The following ROBO1 variants were observed in gnomAD, a reference collection of about 807,000 sequenced individuals.
The protein encoded by ROBO1 is roundabout guidance receptor 1, also known as roundabout homolog 1.
Under a neutral mutation model 195.9 loss-of-function variants are expected in ROBO1, and 149 were observed. The observed-to-expected ratio is 0.76, with a 90% CI of 0.67 to 0.87. The LOEUF is 0.87. ROBO1 is among the 40% of genes least tolerant of loss of function. ROBO1 has a pLI of 0.00. For synonymous variants in ROBO1, 816 were observed against 733.2 expected, an observed-to-expected ratio of 1.11 and a Z score of -1.82; for missense variants, 1,933 against 2,068.3, an observed-to-expected ratio of 0.93 and a Z score of 1.27.
intron 1 of ROBO1, among the ~76,000 whole-genome samples, chr3:79,742,634 G>T (rs1037638582): frequency 3.3e-5 from 5 of 152,154 alleles, no homozygotes; most frequent in Non-Finnish European, 4.4e-5. Flanking sequence ...ATGCAGTACT[G>T]AGTCAATTAA....
intron 2 of ROBO1, among the ~76,000 whole-genome samples, chr3:79,267,902 C>T (rs2030133743): frequency 6.6e-6 from 1 of 151,504 alleles, no homozygotes; most frequent in East Asian, 1.9e-4. Flanking sequence ...AATTAGCAAA[C>T]AGAGAAGCCT....
intron 2 of ROBO1, among the ~76,000 whole-genome samples, chr3:79,469,232 T>C (rs926847629): frequency 1.3e-5 from 2 of 152,108 alleles, no homozygotes; most frequent in Non-Finnish European, 2.9e-5. Context: ...AAGAAAGTTA[T>C]TAGAAATTAT....
At chr3:79,122,027 T>C (rs1291651111) in intron 3 of ROBO1, among the ~76,000 whole-genome samples, 1 of 152,036 alleles carries the variant, frequency 6.6e-6, no homozygotes, top group Non-Finnish European at 1.5e-5. Flanking sequence ...ATTTATTACT[T>C]AATTTTTTTA....
intron 1 of ROBO1, among the ~76,000 whole-genome samples, chr3:79,683,209 G>T (rs1947002078): frequency 6.6e-6 from 1 of 151,954 alleles, no homozygotes; most frequent in Admixed American, 6.6e-5. Flanking sequence ...AATTTTGTTT[G>T]TTATTCATGT....
At chr3:79,216,904 A>G (rs947733817) in intron 2 of ROBO1, among the ~76,000 whole-genome samples, 8 of 152,074 alleles carry the variant, frequency 5.3e-5, no homozygotes, top group African/African-American at 1.7e-4. Context: ...ATAATTTCAA[A>G]GGGAATTGTG....
chr3:79,473,611 T>C (rs1938399254), intron 2 of ROBO1, among the ~76,000 whole-genome samples: 1 of 152,118 alleles, frequency 6.6e-6, no homozygotes, highest in Non-Finnish European at 1.5e-5. Flanking sequence ...ACAACAAAAT[T>C]ATTTTCAGTG....
At chr3:78,704,943 G>A (rs187513893) in intron 8 of ROBO1, among the ~76,000 whole-genome samples, 1 of 152,286 alleles carries the variant, frequency 6.6e-6, no homozygotes, top group Admixed American at 6.5e-5. Context: ...ATTATCAAAT[G>A]CACATTTCTT....
intron 28 of ROBO1, among the ~76,000 whole-genome samples, chr3:78,610,093 G>A (rs1432877057): frequency 2.0e-5 from 3 of 152,046 alleles, no homozygotes; most frequent in Non-Finnish European, 2.9e-5. Flanking sequence ...CCATGTTCGA[G>A]TATCATATAA....
At chr3:79,723,306 C>T (rs1209257039) in intron 1 of ROBO1, among the ~76,000 whole-genome samples, 1 of 152,190 alleles carries the variant, frequency 6.6e-6, no homozygotes, top group East Asian at 1.9e-4. Context: ...AGTCTATCAA[C>T]TCTCTGACAT....
At position 79,482,371 on chromosome 3, in the gene ROBO1, G is replaced by C. The variant is rs1466535809; in HGVS notation, c.88+107453C>G. Among the ~76,000 whole-genome samples, 5 of 152,214 alleles carry C rather than the reference G, an allele frequency of 3.3e-5. 1 individual carries two copies. The South Asian group carries it at 8.3e-4, about 25-fold the overall frequency. On this transcript the variant is annotated intron_variant, in intron 2 of 30. Coordinates refer to ENST00000464233, the MANE Select transcript of ROBO1 (RefSeq NM_002941.4). ...GGGAGGGATCTGGTGGGAGATAATT[G>C]AATAATTGGGGCAGTTTCCCCCATA...
chr3:78,943,309 G>A (rs2040243321), intron 3 of ROBO1, among the ~76,000 whole-genome samples: 1 of 152,138 alleles, frequency 6.6e-6, no homozygotes, highest in South Asian at 2.1e-4. Context: ...ACAGAATCTG[G>A]ATGTCACCCA....
intron 3 of ROBO1, among the ~76,000 whole-genome samples, chr3:79,034,351 T>C (rs1037194461): frequency 3.9e-5 from 6 of 152,124 alleles, no homozygotes; most frequent in Non-Finnish European, 8.8e-5. Context: ...GTCTCCACAT[T>C]TACACAGGAT....
chr3:79,337,264 AATG>A (rs2034715043), intron 2 of ROBO1, among the ~76,000 whole-genome samples: 1 of 152,146 alleles, frequency 6.6e-6, no homozygotes, highest in South Asian at 2.1e-4. Context: ...CCAGAGGTGG[AATG>A]ATATGGATTG....
chr3:79,577,612 A>T (rs1943528184), intron 2 of ROBO1, among the ~76,000 whole-genome samples: 1 of 152,046 alleles, frequency 6.6e-6, no homozygotes, highest in Non-Finnish European at 1.5e-5. Flanking sequence ...GTGGTGGGAC[A>T]TACCTGTAAT....
intron 4 of ROBO1, among the ~76,000 whole-genome samples, chr3:78,837,213 T>A (rs760284352): frequency 6.6e-6 from 1 of 152,186 alleles, no homozygotes; most frequent in African/African-American, 2.4e-5. Flanking sequence ...TTGTTTTCAA[T>A]GTTGGATATA....
At chr3:78,758,561 A>G (rs867709451) in intron 4 of ROBO1, among the ~76,000 whole-genome samples, 122 of 151,458 alleles carry the variant, frequency 8.1e-4, no homozygotes, top group Middle Eastern at 3.5e-3. Flanking sequence ...CCTCCTCAGG[A>G]CATATTGGAA....
chr3:78,917,138 C>G (rs1264532394), intron 4 of ROBO1, among the ~76,000 whole-genome samples: 2 of 125,140 alleles, frequency 1.6e-5, no homozygotes, highest in Admixed American at 8.7e-5. Context: ...TGTTCTGTCA[C>G]CAGGCTGGAG....
chr3:78,958,371 C>T (rs986594221), intron 3 of ROBO1, among the ~76,000 whole-genome samples: 3 of 152,102 alleles, frequency 2.0e-5, no homozygotes, highest in African/African-American at 7.2e-5. Flanking sequence ...CTCAAAATAA[C>T]TTTAAATTGT....
chr3:79,401,966 G>A (rs2037382336), intron 2 of ROBO1, among the ~76,000 whole-genome samples: 1 of 151,838 alleles, frequency 6.6e-6, no homozygotes, highest in Non-Finnish European at 1.5e-5. Flanking sequence ...GTACAGTAGT[G>A]TGTGTGCTTA....
Sources: allele counts gnomAD v4.1 joint callset (sites outside exome capture counted in the v4.1 genomes callset), GRCh38; gene constraint gnomAD v4.1.1; transcripts MANE v1.5; gene names NCBI Gene and HGNC (gene_info 2026-07-23, HGNC 2026-07-21).